Variants in LRPPRC observed in about 807,000 individuals in gnomAD.
LRPPRC encodes the protein leucine rich pentatricopeptide repeat containing, also known as leucine-rich PPR motif-containing protein, mitochondrial.
Under a neutral mutation model 180.3 loss-of-function variants are expected in LRPPRC, and 120 were observed. The ratio of observed to expected loss-of-function variants is 0.67; its 90% confidence interval spans 0.57 to 0.77. The LOEUF (loss-of-function observed/expected upper bound fraction) is 0.77. LRPPRC is among the 30% of genes least tolerant of loss of function. The probability of loss-of-function intolerance (pLI) is 0.00; values close to 1 mark genes in which losing one functional copy is unlikely to be tolerated. For missense variants in LRPPRC, 2,012 were observed against 1,657.2 expected, an observed-to-expected ratio of 1.21 and a Z score of -3.72; for synonymous variants, 723 against 600.0, an observed-to-expected ratio of 1.21 and a Z score of -3.00.
intron 5 of LRPPRC, among the ~76,000 whole-genome samples, 193 bp from the exon 6 acceptor site, chr2:43,976,422 C>T (rs972665871): frequency 6.6e-6 from 1 of 152,150 alleles, no homozygotes; most frequent in African/African-American, 2.4e-5. Context: ...AATGTATCAA[C>T]AGTCTTGAAG....
At chr2:43,959,051 A>T (rs1673232664) in intron 13 of LRPPRC, 2 of 550,658 alleles carry the variant, frequency 3.6e-6, no homozygotes, top group Admixed American at 6.5e-5. Context: ...GCTGCTGACA[A>T]AAAGCATCTA....
chr2:43,973,326 GTTTT>G (rs35735312), intron 11 of LRPPRC, among the ~76,000 whole-genome samples: 4 of 151,944 alleles, frequency 2.6e-5, no homozygotes, highest in Non-Finnish European at 4.4e-5. Context: ...GAACTAAAGA[GTTTT>G]TTTAAGAACT....
At chr2:43,927,178 T>C (rs1671910174) in intron 25 of LRPPRC, among the ~76,000 whole-genome samples, 1 of 152,264 alleles carries the variant, frequency 6.6e-6, no homozygotes. Flanking sequence ...TCATTAGCCC[T>C]GGCTGCTCCA....
intron 30 of LRPPRC, among the ~76,000 whole-genome samples, chr2:43,909,649 A>C (rs944359753): frequency 6.9e-6 from 1 of 144,676 alleles, no homozygotes; most frequent in East Asian, 2.0e-4. Flanking sequence ...TAATAATAAT[A>C]TTGAGGGTGG....
At chr2:43,980,589 AGAG>A (rs1674262355) in intron 2 of LRPPRC, among the ~76,000 whole-genome samples, 5 of 32,112 alleles carry the variant, frequency 1.6e-4, no homozygotes, top group Non-Finnish European at 3.2e-4. Flanking sequence ...AAAGAAAGAG[AGAG>A]AGAGAGAGAA....
chr2:43,993,794 C>T (rs1039584303), intron 1 of LRPPRC, among the ~76,000 whole-genome samples: 18 of 150,526 alleles, frequency 1.2e-4, no homozygotes, highest in Non-Finnish European at 2.4e-4. Context: ...AGGTGTGCCA[C>T]GAATAAATCT....
chr2:43,976,960 T>A lies in LRPPRC; in HGVS notation c.650+34A>T, dbSNP rs752430986. 3.2e-6 allele frequency: 5 copies of A among 1,561,340 alleles called. No individual in the cohort carries two copies. The South Asian group carries it at 5.6e-5, about 17-fold the overall frequency. On this transcript the variant is annotated intron_variant, in intron 5 of 37. Transcript: ENST00000260665. ...CATTAGATTTACAAAATGTACAAAT[T>A]TGTTCGCTTAAACATGTTCATACAG...
At chr2:43,899,433 T>C in intron 33 of LRPPRC, 33 bp downstream of exon 33, 2 of 1,613,930 alleles carry the variant, frequency 1.2e-6, no homozygotes, top group Middle Eastern at 1.6e-4. Context: ...GAAAATGTGC[T>C]TGTGTGTTCT....
intron 11 of LRPPRC, among the ~76,000 whole-genome samples, chr2:43,970,153 ATCT>A (rs1460026710): frequency 6.6e-6 from 1 of 152,174 alleles, no homozygotes; most frequent in East Asian, 1.9e-4. Flanking sequence ...CCTTCACCCC[ATCT>A]TCTAAGCCTC....
rs748198587 is a variant in LRPPRC at position 43,945,413 on chromosome 2, G to A, written c.2215C>T (p.Arg739Cys). ...TCAAGGACAGCAGATGAATCTAAGC[G>A]GTCACTAAAAATTAAAGCCACATTT... The part of the protein sequence containing the change: ...DALNLKEEFD[R>C]LDSSAVLDTG... The change falls in exon 22 of 38, where the codon CGC becomes TGC. Residue 739 changes from arginine (R) to cysteine (C), a missense_variant. Arg to Cys is a radical substitution (Grantham distance 180). Coordinates refer to ENST00000260665, the MANE Select transcript of LRPPRC (RefSeq NM_133259.4). 55 of 1,604,298 alleles carry A rather than the reference G, an allele frequency of 3.4e-5. No individual in the cohort carries two copies. The highest frequency in any genetic ancestry group is 1.5e-4 in the Admixed American group (9 of 59,904).
At chr2:43,893,178 G>A (rs558617919) in intron 36 of LRPPRC, among the ~76,000 whole-genome samples, 1 of 152,306 alleles carries the variant, frequency 6.6e-6, no homozygotes, top group African/African-American at 2.4e-5. Flanking sequence ...AAAGAAAGTG[G>A]TTTCTTGAGA....
At chr2:43,914,637 A>T (rs1304275971) in intron 29 of LRPPRC, among the ~76,000 whole-genome samples, 1 of 151,998 alleles carries the variant, frequency 6.6e-6, no homozygotes, top group African/African-American at 2.4e-5. Flanking sequence ...CTGAGGCTGG[A>T]GAATCGCTTG....
At chr2:43,982,943 T>A (rs1674377071) in intron 1 of LRPPRC, among the ~76,000 whole-genome samples, 1 of 151,892 alleles carries the variant, frequency 6.6e-6, no homozygotes, top group Non-Finnish European at 1.5e-5. Flanking sequence ...TTTTTTTTTT[T>A]AAGGATCATT....
At chr2:43,942,742 G>C (rs1286930948) in intron 23 of LRPPRC, among the ~76,000 whole-genome samples, 1 of 151,836 alleles carries the variant, frequency 6.6e-6, no homozygotes, top group African/African-American at 2.4e-5. Context: ...GCATCAACAG[G>C]ACAACATCCA....
intron 23 of LRPPRC, among the ~76,000 whole-genome samples, chr2:43,938,636 C>T (rs1290528773): frequency 2.0e-5 from 3 of 152,226 alleles, no homozygotes; most frequent in East Asian, 3.9e-4. Context: ...TCTGATAGTA[C>T]CACTCATTTG....
intron 13 of LRPPRC, among the ~76,000 whole-genome samples, chr2:43,958,622 T>G (rs893663493): frequency 6.6e-6 from 1 of 152,206 alleles, no homozygotes; most frequent in Non-Finnish European, 1.5e-5. Flanking sequence ...CACCACCACA[T>G]GCCTCTCAGC....
chr2:43,971,602 A>G (rs1246227032), intron 11 of LRPPRC, among the ~76,000 whole-genome samples: 4 of 150,126 alleles, frequency 2.7e-5, no homozygotes, highest in Non-Finnish European at 3.0e-5. Flanking sequence ...TGATCCCCAA[A>G]TATCTTTGAT....
chr2:43,921,714 C>T (rs1391316971), intron 27 of LRPPRC, among the ~76,000 whole-genome samples: 1 of 152,140 alleles, frequency 6.6e-6, no homozygotes, highest in African/African-American at 2.4e-5. Flanking sequence ...TATAGTATTA[C>T]ATTGTTTGAA....
intron 27 of LRPPRC, among the ~76,000 whole-genome samples, chr2:43,923,061 C>T (rs1228346992): frequency 6.6e-6 from 1 of 151,434 alleles, no homozygotes; most frequent in Admixed American, 6.6e-5. Flanking sequence ...AGACAGGTGT[C>T]CAATAGGACA....
Sources: gnomAD v4.1 joint callset for allele counts (sites outside exome capture counted in the v4.1 genomes callset) on GRCh38, gnomAD v4.1.1 for gene constraint, MANE v1.5 for transcripts, NCBI Gene and HGNC (gene_info 2026-07-23, HGNC 2026-07-21) for gene names.